The following CNKSR2 variants were observed in gnomAD, a reference collection of about 807,000 sequenced individuals.
CNKSR2 encodes connector enhancer of kinase suppressor of Ras 2, also known as CNK homolog protein 2.
In CNKSR2, 14 loss-of-function variants were observed where a neutral mutation model predicts 84.4. That is an observed-to-expected ratio of 0.17 (90% confidence interval 0.11 to 0.26). CNKSR2 has a LOEUF of 0.26. CNKSR2 is among the 10% of genes least tolerant of loss of function. The pLI, the probability that CNKSR2 is intolerant of heterozygous loss-of-function variation, is 1.00. For synonymous variants in CNKSR2, 275 were observed against 277.9 expected (o/e 0.99, Z 0.10); for missense variants, 485 against 771.2 (o/e 0.63, Z 4.40).
chrX:21,388,840 G>C (rs1487968958), intron 1 of CNKSR2, among the ~76,000 whole-genome samples: 1 of 110,814 alleles, frequency 9.0e-6, no homozygotes, highest in Non-Finnish European at 1.9e-5. Context: ...AGAGAGTAGA[G>C]TATGAAAAAG....
chrX:21,456,970 T>C (rs2091002857), intron 4 of CNKSR2, among the ~76,000 whole-genome samples: 1 of 111,615 alleles, frequency 9.0e-6, no homozygotes, highest in African/African-American at 3.2e-5. Context: ...AATTAGCAAT[T>C]TTGAACATTT....
intron 1 of CNKSR2, among the ~76,000 whole-genome samples, chrX:21,387,800 C>G (rs1276448380): frequency 1.8e-5 from 2 of 111,357 alleles, no homozygotes; most frequent in Admixed American, 1.9e-4. Context: ...CTAAAATGCC[C>G]TTATTGTAAT....
At chrX:21,407,218 TAGA>T (rs2090276321) in intron 1 of CNKSR2, among the ~76,000 whole-genome samples, 1 of 111,989 alleles carries the variant, frequency 8.9e-6, no homozygotes, top group East Asian at 2.8e-4. Flanking sequence ...CAGGAATTAT[TAGA>T]AGGTTGAAGT....
chrX:21,449,560 A>G (rs1380519391), intron 4 of CNKSR2, among the ~76,000 whole-genome samples: 2 of 110,772 alleles, frequency 1.8e-5, no homozygotes, highest in Non-Finnish European at 3.8e-5. Context: ...GCAGAGTTGT[A>G]TTAGTCAAGG....
chrX:21,576,914 T>G (rs779351202), intron 13 of CNKSR2, among the ~76,000 whole-genome samples: 1 of 111,489 alleles, frequency 9.0e-6, no homozygotes, highest in Non-Finnish European at 1.9e-5. Flanking sequence ...AGTACTAATA[T>G]TTTTGTATTG....
At chrX:21,541,257 A>G (rs777129369) in intron 11 of CNKSR2, among the ~76,000 whole-genome samples, 1 of 111,914 alleles carries the variant, frequency 8.9e-6, no homozygotes, top group African/African-American at 3.2e-5. Flanking sequence ...CTGGGATTAC[A>G]GGCATGAGCC....
chrX:21,497,918 A>T, intron 7 of CNKSR2, 72 bp downstream of exon 7: 1 of 531,756 alleles, frequency 1.9e-6, no homozygotes, highest in Non-Finnish European at 3.4e-6. Flanking sequence ...TATATCTCAC[A>T]TGATTGAGGT....
At chrX:21,581,101 A>G (rs186666711) in intron 13 of CNKSR2, among the ~76,000 whole-genome samples, 150 of 112,257 alleles carry the variant, frequency 1.3e-3, no homozygotes, top group Middle Eastern at 4.6e-3. Context: ...GTGCTTTTCA[A>G]TGAATAATCT....
At chrX:21,455,351 TAAAC>T (rs1030663212) in intron 4 of CNKSR2, among the ~76,000 whole-genome samples, 6 of 111,679 alleles carry the variant, frequency 5.4e-5, no homozygotes, top group African/African-American at 1.6e-4. Context: ...ATTTTATTAT[TAAAC>T]AAACATATTA....
At chrX:21,645,404 TGGG>T (rs1215588705) in intron 20 of CNKSR2, 1 of 111,903 alleles carries the variant, frequency 8.9e-6, no homozygotes, top group African/African-American at 3.2e-5. Context: ...AAATATAATT[TGGG>T]GGGAAATTTA....
intron 4 of CNKSR2, among the ~76,000 whole-genome samples, chrX:21,451,219 T>TA (rs1371916606): frequency 9.0e-6 from 1 of 111,663 alleles, no homozygotes; most frequent in Non-Finnish European, 1.9e-5. Context: ...TGAAGTTGAA[T>TA]ATGGGGTTCC....
intron 21 of CNKSR2, among the ~76,000 whole-genome samples, 198 bp from the exon 22 acceptor site, chrX:21,652,108 C>T (rs2092722256): frequency 8.9e-6 from 1 of 111,758 alleles, no homozygotes; most frequent in Non-Finnish European, 1.9e-5. Flanking sequence ...AAAAAGCAAA[C>T]CACACAGTGG....
chrX:21,399,889 A>C (rs1449656206), intron 1 of CNKSR2, among the ~76,000 whole-genome samples: 1 of 111,614 alleles, frequency 9.0e-6, no homozygotes, highest in Non-Finnish European at 1.9e-5. Flanking sequence ...TGAGTTATTC[A>C]ATTTTCTCAT....
intron 3 of CNKSR2, among the ~76,000 whole-genome samples, chrX:21,434,246 GGATA>G (rs2090675083): frequency 1.8e-5 from 2 of 111,483 alleles, no homozygotes; most frequent in Middle Eastern, 4.7e-3. Flanking sequence ...TTTGTTAGAT[GGATA>G]GATAAACTGT....
rs2092616615 is a variant in CNKSR2, at chrX:21,624,919, G to A, written c.2692+15302G>A. ...TATCCCCCAATAGCTCATAATTCAG[G>A]TGGTTGTAACCCAATTAAATGATAG... On this transcript the variant is annotated intron_variant, in intron 20 of 21. Transcript: ENST00000379510. 2.7e-5 allele frequency among the ~76,000 whole-genome samples: 3 copies of A among 111,969 alleles called. No homozygotes were observed. In the Admixed American group the frequency reaches 2.8e-4, roughly 11 times the overall value.
At chrX:21,553,515 A>G (rs1379184021) in intron 11 of CNKSR2, among the ~76,000 whole-genome samples, 1 of 107,520 alleles carries the variant, frequency 9.3e-6, no homozygotes, top group Admixed American at 1.0e-4. Context: ...CATTGTCAAT[A>G]AAAGTGATGT....
chrX:21,438,850 C>T (rs773714189), intron 3 of CNKSR2, among the ~76,000 whole-genome samples: 5 of 110,593 alleles, frequency 4.5e-5, no homozygotes, highest in Admixed American at 3.9e-4. Context: ...CCCACCAAAA[C>T]GTAACAGATG....
At chrX:21,646,590 T>C (rs1192642910) in intron 20 of CNKSR2, among the ~76,000 whole-genome samples, 1 of 111,619 alleles carries the variant, frequency 9.0e-6, no homozygotes, top group Admixed American at 9.5e-5. Flanking sequence ...GAAGGTTCTT[T>C]TAAAATAAAA....
intron 20 of CNKSR2, among the ~76,000 whole-genome samples, chrX:21,634,282 TTAATGA>T (rs1332334198): frequency 1.8e-5 from 2 of 112,539 alleles, no homozygotes; most frequent in East Asian, 2.8e-4. Context: ...AGAAAAAATC[TTAATGA>T]TAAATAACTG....
Sources: allele counts gnomAD v4.1 joint callset (sites outside exome capture counted in the v4.1 genomes callset), GRCh38; gene constraint gnomAD v4.1.1; transcripts MANE v1.5; gene names NCBI Gene and HGNC (gene_info 2026-07-23, HGNC 2026-07-21).